The following CHD5 variants were observed in gnomAD, a reference collection of about 807,000 sequenced individuals.
CHD5 encodes the protein chromodomain helicase DNA binding protein 5.
In CHD5, 69 loss-of-function variants were observed where a neutral mutation model predicts 230.3. The observed-to-expected ratio is 0.30, with a 90% CI of 0.25 to 0.37. CHD5 has a LOEUF of 0.37. CHD5 is among the 10% of genes least tolerant of loss of function. The pLI is 1.00. For synonymous variants in CHD5, 1,064 were observed against 1,065.9 expected (o/e 1.00, Z 0.03); for missense variants, 1,827 against 2,622.8 (o/e 0.70, Z 6.63).
intron 11 of CHD5, among the ~76,000 whole-genome samples, chr1:6,145,553 G>A (rs1035111594): frequency 1.3e-5 from 2 of 152,196 alleles, no homozygotes; most frequent in African/African-American, 2.4e-5. Context: ...CAAAGCCCAC[G>A]GGCCTCCTGC....
At position 6,128,899 on chromosome 1, in the gene CHD5, C is replaced by T. The variant is rs1666608082; in HGVS notation, c.3558G>A (p.Lys1186=). 6.2e-7 allele frequency: 1 copy of T among 1,613,230 alleles called. No homozygotes were observed. Among genetic ancestry groups the T allele is most frequent in the Non-Finnish European group, 8.5e-7 (1 of 1,179,972 alleles). Residue 1186 remains lysine, a synonymous_variant, in exon 23 of 42, where the codon AAG becomes AAA. Coordinates refer to ENST00000262450, the MANE Select transcript of CHD5 (RefSeq NM_015557.3). The surrounding 1 kb of genome is among the most constrained non-coding windows in gnomAD (Gnocchi z 7.8). ...ACTTGAGGATGTCGTCCAGCTCCTG[C>T]TTGGTCATGGACCCCGACTTGGAGC... ...GLGSKSGSMT[K]QELDDILKFG...
chr1:6,146,078 G>T lies in CHD5; in HGVS notation c.1802+134C>A. 1 of 793,528 alleles carries T rather than the reference G, an allele frequency of 1.3e-6. No homozygotes were observed. Among genetic ancestry groups the T allele is most frequent in the African/African-American group, 1.7e-5 (1 of 58,536 alleles). 49.2% of individuals were successfully genotyped at this position (793,528 alleles called of 1,614,324 possible). A position where few individuals can be genotyped will look rare whatever the true frequency, so the allele number is the denominator to read the frequency against. ...GGGCCCTTCCTTGTGCCCCTGCTGT[G>T]CCCACATGTGGTTCTGCACGGCAGC... On this transcript the variant is annotated intron_variant, in intron 11 of 41. Coordinates refer to ENST00000262450, the MANE Select transcript of CHD5 (RefSeq NM_015557.3). The surrounding 1 kb of genome is among the most constrained non-coding windows in gnomAD (Gnocchi z 5.1).
At chr1:6,170,921 G>A (rs1182170586) in intron 1 of CHD5, among the ~76,000 whole-genome samples, 3 of 152,164 alleles carry the variant, frequency 2.0e-5, no homozygotes, top group Non-Finnish European at 2.9e-5. Flanking sequence ...CTCTGCCACC[G>A]GGCCTCCGCC....
In CHD5 at chr1:6,129,657, A is replaced by T. The variant is rs923134981; in HGVS notation, c.3387+547T>A. Among the ~76,000 whole-genome samples the T allele has an allele frequency of 1.3e-5, 2 of 152,086 alleles. No individual in the cohort carries two copies. Among genetic ancestry groups the T allele is most frequent in the African/African-American group, 4.8e-5 (2 of 41,388 alleles). On this transcript the variant is annotated intron_variant, in intron 22 of 41. Transcript: ENST00000262450. The surrounding 1 kb of genome is among the most constrained non-coding windows in gnomAD (Gnocchi z 6.8). ...TTTGTATGTGTTCCCCTACATTTGTAAGCATTCAATGTGTGTGTCCCAGCG... is the reference window on the plus strand; with the variant it reads ...TTTGTATGTGTTCCCCTACATTTGTTAGCATTCAATGTGTGTGTCCCAGCG...
At position 6,112,490 on chromosome 1, in the gene CHD5, C is replaced by T. The variant is rs143131809; in HGVS notation, c.5003-213G>A. 6.9e-4 allele frequency among the ~76,000 whole-genome samples: 105 copies of T among 152,274 alleles called. 1 individual carries two copies. In the East Asian group the frequency reaches 0.016, roughly 24 times the overall value. On this transcript the variant is annotated intron_variant, in intron 34 of 41. Coordinates refer to ENST00000262450, the MANE Select transcript of CHD5 (RefSeq NM_015557.3). Reference sequence around the variant, plus strand: ...AGCTCCAGGTCCTAGTGCTCCTCCCCGACCACATCAGGACCACCCAGGAGT... The same window carrying T: ...AGCTCCAGGTCCTAGTGCTCCTCCCTGACCACATCAGGACCACCCAGGAGT...
chr1:6,175,317 G>T (rs1396248221), intron 1 of CHD5, among the ~76,000 whole-genome samples: 1 of 151,330 alleles, frequency 6.6e-6, no homozygotes, highest in Non-Finnish European at 1.5e-5. Context: ...ATGGATGGTG[G>T]ATGGATGAAT....
intron 2 of CHD5, among the ~76,000 whole-genome samples, chr1:6,160,927 C>T (rs1312295839): frequency 6.6e-6 from 1 of 152,210 alleles, no homozygotes; most frequent in African/African-American, 2.4e-5. Flanking sequence ...AAGCCCTCCA[C>T]AGCCCCTTCC....
intron 11 of CHD5, among the ~76,000 whole-genome samples, chr1:6,145,311 T>C (rs946934496): frequency 6.6e-6 from 1 of 152,236 alleles, no homozygotes; most frequent in African/African-American, 2.4e-5. Flanking sequence ...ACCTCTGCTC[T>C]ACCCAACAGC....
intron 20 of CHD5, among the ~76,000 whole-genome samples, chr1:6,132,880 TTCTCTCTCTCTCTC>T (rs111561200): frequency 6.9e-6 from 1 of 144,428 alleles, no homozygotes; most frequent in Non-Finnish European, 1.5e-5. Context: ...TCCTATTCTT[TTCTCTCTCTCTCTC>T]TCTCTCTCTC....
chr1:6,167,998 C>A lies in CHD5; in HGVS notation c.207+152G>T, dbSNP rs919853066. The A allele has an allele frequency of 1.1e-5, 10 of 946,802 alleles. No homozygotes were observed. The East Asian group carries it at 1.6e-4, about 15-fold the overall frequency. The allele number at this position is 946,802 out of a possible 1,614,324, so 58.7% of individuals were successfully genotyped here. The stretch of plus-strand genomic sequence containing the variant: ...AGGCTTCCGTGCACAACGCTTCATA[C>A]GAGAAACTGGTTATGGTGTTTTTCA... On this transcript the variant is annotated intron_variant, in intron 2 of 41. Transcript: ENST00000262450. This position sits in a 1 kb window ranked among gnomAD's most constrained non-coding sequence, Gnocchi z 4.5.
chr1:6,116,863 G>A (rs1258967007), intron 33 of CHD5, among the ~76,000 whole-genome samples: 2 of 152,222 alleles, frequency 1.3e-5, no homozygotes, highest in African/African-American at 4.8e-5. Flanking sequence ...TGGTAAGAAT[G>A]TGAGAAGATC....
rs1388189444 is a variant in CHD5 at position 6,104,333 on chromosome 1, C to G, written c.*1141G>C. 1 of 152,270 alleles carries G rather than the reference C, an allele frequency of 6.6e-6. No homozygotes were observed. The highest frequency in any genetic ancestry group is 1.9e-4 in the East Asian group (1 of 5,172). The allele number at this position is 152,270 out of a possible 1,614,324, so 9.4% of individuals were successfully genotyped here. ...GCACTGGGTCCAGTCCCCCTCCAGG[C>G]AGAACTCTCCCCACGCCTTCCAAGA... On this transcript the variant is annotated 3_prime_UTR_variant, in exon 42 of 42. Transcript: ENST00000262450.
intron 11 of CHD5, among the ~76,000 whole-genome samples, chr1:6,144,880 C>A (rs564773866): frequency 6.6e-5 from 10 of 152,266 alleles, no homozygotes; most frequent in Non-Finnish European, 1.3e-4. Context: ...CCCGTTACCA[C>A]GGCAACCGAT....
At chr1:6,174,566 G>A (rs892292223) in intron 1 of CHD5, among the ~76,000 whole-genome samples, 8 of 147,478 alleles carry the variant, frequency 5.4e-5, no homozygotes, top group Middle Eastern at 3.5e-3. Flanking sequence ...TGGACGGATG[G>A]TGGATGGGTG....
intron 37 of CHD5, 136 bp from the exon 38 acceptor site, chr1:6,110,126 C>T: frequency 1.0e-6 from 1 of 976,760 alleles, no homozygotes; most frequent in Non-Finnish European, 1.5e-6. Flanking sequence ...GCTGCCCACC[C>T]TGGCCTGGTG....
chr1:6,180,032 C>A lies in CHD5; in HGVS notation c.-9G>T. 3 of 1,318,104 alleles carry A rather than the reference C, an allele frequency of 2.3e-6. No homozygotes were observed. The highest frequency in any genetic ancestry group is 1.5e-5 in the South Asian group (1 of 64,668). The allele number at this position is 1,318,104 out of a possible 1,614,324, so 81.7% of individuals were successfully genotyped here. Reference sequence around the variant, plus strand: ...CCCACTGGGCCCCGCATGCCCGGCGCGGGGAGGAGGGGAGGTGGGCGCCCC... The same window carrying A: ...CCCACTGGGCCCCGCATGCCCGGCGAGGGGAGGAGGGGAGGTGGGCGCCCC... On this transcript the variant is annotated 5_prime_UTR_variant, in exon 1 of 42. Coordinates refer to ENST00000262450, the MANE Select transcript of CHD5 (RefSeq NM_015557.3).
chr1:6,112,184 C>T lies in CHD5; in HGVS notation c.5096G>A (p.Gly1699Glu), dbSNP rs776126972. Residue 1699 changes from glycine (G) to glutamate (E), a missense_variant, in exon 35 of 42, where the codon GGG becomes GAG. Around this residue, in one of 14 missense-constraint regions of CHD5, gnomAD observed 272 missense variants for 263.2 expected, o/e 1.03. Coordinates refer to ENST00000262450, the MANE Select transcript of CHD5 (RefSeq NM_015557.3). ...GATGTTGAACATGAACTTGAATTTC[C>T]CCTTCTTGTCCTCCTTCTTCCCCTC... ...DDEGKKEDKK[G>E]KFKFMFNIAD... 3 of 1,614,054 alleles carry T rather than the reference C, an allele frequency of 1.9e-6. No homozygotes were observed. Among genetic ancestry groups the T allele is most frequent in the Non-Finnish European group, 2.5e-6 (3 of 1,180,032 alleles).
Position 6,136,854 on chromosome 1 carries a change from C to G in CHD5, c.2448G>C (p.Gln816His). 1 of 1,608,766 alleles carries G rather than the reference C, an allele frequency of 6.2e-7. No homozygotes were observed. Among genetic ancestry groups the G allele is most frequent in the Non-Finnish European group, 8.5e-7 (1 of 1,176,518 alleles). Reference sequence around the variant, plus strand: ...AGGTGAGCAGCACGTGGAATTTGATCTGCACTTCTTTCTGGAGAAAAGAGG... The same window carrying G: ...AGGTGAGCAGCACGTGGAATTTGATGTGCACTTCTTTCTGGAGAAAAGAGG... Reference protein sequence around the residue: ...KKVFRMKKEVQIKFHVLLTSY... With the variant: ...KKVFRMKKEVHIKFHVLLTSY... The change falls in exon 16 of 42, where the codon CAG becomes CAC. Residue 816 changes from glutamine (Q) to histidine (H), a missense_variant. Transcript: ENST00000262450.
chr1:6,122,402 T>G (rs1042383595), intron 31 of CHD5, among the ~76,000 whole-genome samples: 1 of 152,194 alleles, frequency 6.6e-6, no homozygotes, highest in African/African-American at 2.4e-5. Context: ...TTCAGCGTCC[T>G]TGGCATCAGG....
Sources: allele counts gnomAD v4.1 joint callset (sites outside exome capture counted in the v4.1 genomes callset), GRCh38; gene constraint gnomAD v4.1.1; regional missense constraint gnomAD v4.1.1; non-coding constraint Gnocchi (gnomAD v3.1); transcripts MANE v1.5; gene names NCBI Gene and HGNC (gene_info 2026-07-23, HGNC 2026-07-21).